The following SNTG1 variants were observed in gnomAD, a reference collection of about 807,000 sequenced individuals.
SNTG1 encodes syntrophin gamma 1.
A neutral mutation model predicts 74.7 loss-of-function variants in SNTG1; 39 were observed. The ratio of observed to expected loss-of-function variants is 0.52; its 90% CI spans 0.40 to 0.68. The LOEUF (loss-of-function observed/expected upper bound fraction) is 0.68. Among genes scored for constraint, SNTG1 ranks in the 30% least tolerant of loss-of-function variants. SNTG1 has a pLI of 0.00. For missense variants in SNTG1, 685 were observed against 609.5 expected, an observed-to-expected ratio of 1.12 and a Z score of -1.30; for synonymous variants, 254 against 217.1, an observed-to-expected ratio of 1.17 and a Z score of -1.49.
chr8:50,007,600 C>T (rs542121992), intron 1 of SNTG1, among the ~76,000 whole-genome samples: 14 of 152,114 alleles, frequency 9.2e-5, no homozygotes, highest in East Asian at 5.8e-4. Context: ...TAGTTGTATG[C>T]GTTGGTTTCA....
At chr8:49,978,634 A>G (rs1178220488) in intron 1 of SNTG1, among the ~76,000 whole-genome samples, 2 of 152,202 alleles carry the variant, frequency 1.3e-5, no homozygotes, top group African/African-American at 4.8e-5. Context: ...ATAGTCTACC[A>G]GAAGTATGAG....
At chr8:50,062,462 G>A (rs1033026916) in intron 1 of SNTG1, among the ~76,000 whole-genome samples, 9 of 151,996 alleles carry the variant, frequency 5.9e-5, no homozygotes, top group African/African-American at 2.2e-4. Flanking sequence ...AGATTGTTAT[G>A]TCTTTCTGCT....
At position 49,912,107 on chromosome 8, in the gene SNTG1, T is replaced by G. The variant is rs1805629403; in HGVS notation, c.-227T>G. On this transcript the variant is annotated 5_prime_UTR_variant, in exon 1 of 19. An upstream open reading frame in the 5' UTR loses its in-frame stop. Transcript: ENST00000642720. Reference sequence around the variant, plus strand: ...GCTCAAAGGTCCACACTTCTTGAAATAAACAGAATGGTCTTGAGTGGATTG... The same window carrying G: ...GCTCAAAGGTCCACACTTCTTGAAAGAAACAGAATGGTCTTGAGTGGATTG... The G allele has an allele frequency of 6.6e-6, 1 of 152,184 alleles. No homozygotes were observed. The allele number at this position is 152,184 out of a possible 1,614,324, so 9.4% of individuals were successfully genotyped here.
intron 15 of SNTG1, among the ~76,000 whole-genome samples, chr8:50,690,976 T>C (rs1585544999): frequency 1.3e-5 from 2 of 152,368 alleles, no homozygotes; most frequent in South Asian, 4.1e-4. Flanking sequence ...CTCTTCTTGT[T>C]GAATTGAACC....
At position 49,988,221 on chromosome 8, in the gene SNTG1, C is replaced by A. The variant is rs1813355503; in HGVS notation, c.-103+75990C>A. Reference sequence around the variant, plus strand: ...TAAAAATGGGCGTGCAGAGTTGTTACAATATATTATCTAAAATGTTCAATT... The same window carrying A: ...TAAAAATGGGCGTGCAGAGTTGTTAAAATATATTATCTAAAATGTTCAATT... On this transcript the variant is annotated intron_variant, in intron 1 of 18. Coordinates refer to ENST00000642720, the MANE Select transcript of SNTG1 (RefSeq NM_018967.5). Among the ~76,000 whole-genome samples, 4 of 152,134 alleles carry A rather than the reference C, an allele frequency of 2.6e-5. No individual in the cohort carries two copies. In the South Asian group the frequency reaches 8.3e-4, roughly 32 times the overall value.
chr8:49,988,047 G>A (rs1813340564), intron 1 of SNTG1, among the ~76,000 whole-genome samples: 1 of 152,104 alleles, frequency 6.6e-6, no homozygotes, highest in South Asian at 2.1e-4. Flanking sequence ...TGATAACCCA[G>A]GGTGACTGTA....
chr8:50,522,577 C>CTTTT (rs34011488), intron 9 of SNTG1, among the ~76,000 whole-genome samples: 1 of 127,102 alleles, frequency 7.9e-6, no homozygotes, highest in South Asian at 2.6e-4. Context: ...GACTTCCTTC[C>CTTTT]TTTTTTTTTT....
chr8:50,300,368 T>C (rs75276193), intron 2 of SNTG1, among the ~76,000 whole-genome samples: 9,173 of 152,216 alleles, frequency 0.06, 313 homozygotes, highest in South Asian at 0.074. Context: ...GTTTGATTCA[T>C]GTTGGACTGT....
At chr8:50,122,712 A>T (rs899441765) in intron 1 of SNTG1, among the ~76,000 whole-genome samples, 4 of 141,644 alleles carry the variant, frequency 2.8e-5, no homozygotes, top group African/African-American at 1.0e-4. Flanking sequence ...GGACAAGAGG[A>T]TGCATTTAAA....
chr8:50,640,184 A>T (rs13259412), intron 13 of SNTG1, among the ~76,000 whole-genome samples: 33,997 of 152,032 alleles, frequency 0.22, 4,419 homozygotes, highest in African/African-American at 0.35. Flanking sequence ...GACTTCCTTT[A>T]TTGTGTATGG....
At position 50,125,623 on chromosome 8, in the gene SNTG1, C is replaced by T. The variant is rs1353603535; in HGVS notation, c.-102-46938C>T. 1.4e-5 allele frequency among the ~76,000 whole-genome samples: 2 copies of T among 141,798 alleles called. 1 individual carries two copies. Among genetic ancestry groups the T allele is most frequent in the Middle Eastern group, 7.0e-3 (2 of 284 alleles). 93.0% of individuals were successfully genotyped at this position (141,798 alleles called of 152,430 possible). On this transcript the variant is annotated intron_variant, in intron 1 of 18. Coordinates refer to ENST00000642720, the MANE Select transcript of SNTG1 (RefSeq NM_018967.5). ...TAAATACTCTACTACTGAATTCACACTATGTCCTAAGAACGGTGCGAGCTC... is the reference window on the plus strand; with the variant it reads ...TAAATACTCTACTACTGAATTCACATTATGTCCTAAGAACGGTGCGAGCTC...
chr8:50,572,574 GC>G (rs2094555299), intron 12 of SNTG1, among the ~76,000 whole-genome samples: 7 of 152,042 alleles, frequency 4.6e-5, no homozygotes. Flanking sequence ...AAGCAACATG[GC>G]CTGATTTTAA....
intron 17 of SNTG1, among the ~76,000 whole-genome samples, chr8:50,733,590 C>A (rs7011647): frequency 0.42 from 63,241 of 151,594 alleles, 15,651 homozygotes; most frequent in African/African-American, 0.7. Flanking sequence ...TTACCAGGAT[C>A]TGTTGTTTTT....
At chr8:50,662,171 A>T (rs1338754632) in intron 15 of SNTG1, among the ~76,000 whole-genome samples, 1 of 152,160 alleles carries the variant, frequency 6.6e-6, no homozygotes, top group Non-Finnish European at 1.5e-5. Context: ...GCCATGAGGT[A>T]TCACTTCTGA....
chr8:49,947,934 C>T (rs926524221), intron 1 of SNTG1, among the ~76,000 whole-genome samples: 2 of 152,062 alleles, frequency 1.3e-5, no homozygotes, highest in East Asian at 3.9e-4. Flanking sequence ...AGTTCGAGAA[C>T]AGCCTGGCCA....
At chr8:50,017,672 G>T (rs1312095690) in intron 1 of SNTG1, among the ~76,000 whole-genome samples, 2 of 151,768 alleles carry the variant, frequency 1.3e-5, no homozygotes, top group African/African-American at 4.8e-5. Flanking sequence ...GTCAAAAAAA[G>T]CATACGTTAT....
intron 1 of SNTG1, among the ~76,000 whole-genome samples, chr8:50,116,748 G>T (rs902962876): frequency 1.3e-5 from 2 of 152,096 alleles, no homozygotes; most frequent in African/African-American, 4.8e-5. Flanking sequence ...TGAGCATTTT[G>T]CTTGAGGAGT....
At chr8:50,152,830 C>T (rs543237967) in intron 1 of SNTG1, among the ~76,000 whole-genome samples, 12 of 152,106 alleles carry the variant, frequency 7.9e-5, no homozygotes, top group Non-Finnish European at 1.6e-4. Flanking sequence ...CTCTGGCTGC[C>T]CTTAACATTT....
intron 1 of SNTG1, among the ~76,000 whole-genome samples, chr8:49,970,404 C>G (rs529893238): frequency 3.9e-5 from 6 of 152,166 alleles, no homozygotes; most frequent in Non-Finnish European, 8.8e-5. Flanking sequence ...TAGCCGCACT[C>G]TTTTTAATTC....
Sources: gnomAD v4.1 joint callset for allele counts (sites outside exome capture counted in the v4.1 genomes callset) on GRCh38, gnomAD v4.1.1 for gene constraint, MANE v1.5 for transcripts, NCBI Gene and HGNC (gene_info 2026-07-23, HGNC 2026-07-21) for gene names.